The following DOCK1 variants were observed in gnomAD, a reference collection of about 807,000 sequenced individuals.
DOCK1 encodes the protein dedicator of cytokinesis 1, also known as dedicator of cytokinesis protein 1.
DOCK1 carries 138 observed loss-of-function variants against 262.7 expected under a neutral mutation model. The observed-to-expected ratio is 0.53, with a 90% CI of 0.46 to 0.61. The LOEUF is 0.61. Among genes scored for constraint, DOCK1 ranks in the 20% least tolerant of loss-of-function variants. The pLI is 0.00. For missense variants in DOCK1, 1,908 were observed against 2,370.7 expected (o/e 0.80, Z 4.05); for synonymous variants, 866 against 867.4 (o/e 1.00, Z 0.03).
At chr10:127,070,970 A>T (rs1258220161) in intron 23 of DOCK1, among the ~76,000 whole-genome samples, 1 of 152,044 alleles carries the variant, frequency 6.6e-6, no homozygotes, top group Non-Finnish European at 1.5e-5. Context: ...GGCTGGCTTC[A>T]TTCAGGCTGC....
intron 32 of DOCK1, among the ~76,000 whole-genome samples, chr10:127,361,334 TC>T (rs781036183): frequency 1.4e-4 from 22 of 152,130 alleles, no homozygotes; most frequent in African/African-American, 2.2e-4. Flanking sequence ...CAGGATGGTC[TC>T]GATCTCCTGA....
chr10:127,320,827 C>T (rs966282370), intron 29 of DOCK1, among the ~76,000 whole-genome samples: 4 of 152,144 alleles, frequency 2.6e-5, no homozygotes, highest in African/African-American at 4.8e-5. Flanking sequence ...CATCTGTCTA[C>T]GTCCTCTGGA....
intron 27 of DOCK1, among the ~76,000 whole-genome samples, chr10:127,161,363 T>G (rs1159865969): frequency 6.6e-6 from 1 of 152,174 alleles, no homozygotes; most frequent in Non-Finnish European, 1.5e-5. Flanking sequence ...TGGCTTTTGG[T>G]GATGGTTTGT....
At chr10:127,063,463 G>A (rs907901435) in intron 23 of DOCK1, among the ~76,000 whole-genome samples, 3 of 151,852 alleles carry the variant, frequency 2.0e-5, no homozygotes, top group African/African-American at 2.4e-5. Flanking sequence ...TCTTCACTAC[G>A]ATTTCTTGAT....
rs571214685 is a variant in DOCK1, at chr10:127,016,876, C to T, written c.1202-1834C>T. On this transcript the variant is annotated intron_variant, in intron 12 of 51. Transcript: ENST00000623213. ...TACCATAAACACACACACAGATACA[C>T]CACAAACACACAGATGCAGACACCA... 4.5e-5 allele frequency among the ~76,000 whole-genome samples: 5 copies of T among 110,394 alleles called. No individual in the cohort carries two copies. In the East Asian group the frequency reaches 1.4e-3, roughly 31 times the overall value. The allele number at this position is 110,394 out of a possible 152,430, so 72.4% of individuals were successfully genotyped here. A position where few individuals can be genotyped will look rare whatever the true frequency, so the allele number is the denominator to read the frequency against.
chr10:127,186,423 A>G (rs72834700), intron 27 of DOCK1, among the ~76,000 whole-genome samples: 34,240 of 146,166 alleles, frequency 0.23, 4,767 homozygotes, highest in Middle Eastern at 0.4. Flanking sequence ...GCTACTTGGG[A>G]GGCTCTCCTT....
At position 127,403,096 on chromosome 10, in the gene DOCK1, G is replaced by A. The variant is rs759277250; in HGVS notation, c.3969G>A (p.Glu1323=). ...TTGCCTTGGGCAAGGAGCTAGCCGA[G>A]CAGTATGAGAACGAAATGTTTGATT... ...EAIALGKELA[E]QYENEMFDYE... is the part of the protein sequence containing the mutation. Residue 1323 remains glutamate, a synonymous_variant, in exon 39 of 52, where the codon GAG becomes GAA. Coordinates refer to ENST00000623213, the MANE Select transcript of DOCK1 (RefSeq NM_001290223.2). 1.7e-5 allele frequency: 27 copies of A among 1,612,878 alleles called. No homozygotes were observed. Among genetic ancestry groups the A allele is most frequent in the Non-Finnish European group, 2.2e-5 (26 of 1,179,528 alleles).
At chr10:127,133,504 T>A (rs1028751155) in intron 27 of DOCK1, among the ~76,000 whole-genome samples, 2 of 152,222 alleles carry the variant, frequency 1.3e-5, no homozygotes, top group Non-Finnish European at 2.9e-5. Flanking sequence ...CGTGTGTGTG[T>A]GCACCAATGG....
intron 29 of DOCK1, among the ~76,000 whole-genome samples, chr10:127,298,462 T>G (rs1268259069): frequency 6.6e-6 from 1 of 152,210 alleles, no homozygotes; most frequent in African/African-American, 2.4e-5. Flanking sequence ...GAGTTTTCCC[T>G]TCATTTTTAA....
chr10:126,942,621 CG>C lies in DOCK1; in HGVS notation c.47-28080del, dbSNP rs1473523566. ...AGCCCCGAGGGAGCCGAGCCAGCCC[CG>C]AGGGAGCCGTCATCTGGGACCCTGG... On this transcript the variant is annotated intron_variant, in intron 1 of 51. Transcript: ENST00000623213. Among the ~76,000 whole-genome samples, 5 of 152,248 alleles carry C rather than the reference CG, an allele frequency of 3.3e-5. No individual in the cohort carries two copies. The East Asian group carries it at 9.7e-4, about 29-fold the overall frequency.
intron 29 of DOCK1, among the ~76,000 whole-genome samples, chr10:127,312,847 G>A (rs1392354328): frequency 1.4e-5 from 2 of 141,866 alleles, no homozygotes; most frequent in Non-Finnish European, 3.0e-5. Flanking sequence ...CCCTTCCACT[G>A]AACAACTCAC....
intron 1 of DOCK1, among the ~76,000 whole-genome samples, chr10:126,954,293 C>G (rs2036559120): frequency 6.6e-6 from 1 of 152,248 alleles, no homozygotes; most frequent in Non-Finnish European, 1.5e-5. Context: ...AAAGAGAGGC[C>G]TTCTTGGGAA....
At chr10:126,934,131 A>C in intron 1 of DOCK1, among the ~76,000 whole-genome samples, 2 of 151,576 alleles carry the variant, frequency 1.3e-5, no homozygotes, top group Non-Finnish European at 1.5e-5. Context: ...TTACTCTTAA[A>C]ACTCAGATTT....
intron 22 of DOCK1, among the ~76,000 whole-genome samples, chr10:127,059,443 G>C (rs184129079): frequency 6.6e-6 from 1 of 152,126 alleles, no homozygotes; most frequent in African/African-American, 2.4e-5. Flanking sequence ...ATGTATGTTA[G>C]ATCTCCTCAA....
chr10:127,145,880 C>G, intron 27 of DOCK1: 1 of 417,488 alleles, frequency 2.4e-6, no homozygotes, highest in Non-Finnish European at 4.7e-6. Flanking sequence ...CATCTGGTGT[C>G]ACCAGTGACC....
rs866444982 is a variant in DOCK1 at position 127,186,759 on chromosome 10, G to C, written c.2847+58995G>C. On this transcript the variant is annotated intron_variant, in intron 27 of 51. Coordinates refer to ENST00000623213, the MANE Select transcript of DOCK1 (RefSeq NM_001290223.2). ...TCATGCCACACTGCTGTTGTCCATT[G>C]AGATGAACGTGGAGAGGAAGGAGAA... 6.2e-4 allele frequency among the ~76,000 whole-genome samples: 95 copies of C among 152,158 alleles called. 1 individual carries two copies. The highest frequency in any genetic ancestry group is 2.2e-3 in the African/African-American group (93 of 41,522).
At chr10:127,037,581 T>A in intron 18 of DOCK1, 138 bp from the exon 19 acceptor site, 2 of 637,396 alleles carry the variant, frequency 3.1e-6, no homozygotes, top group South Asian at 2.2e-5. Flanking sequence ...ATGGAATATT[T>A]AGCAGGTGAA....
intron 35 of DOCK1, among the ~76,000 whole-genome samples, chr10:127,375,619 A>G (rs552144149): frequency 3.9e-5 from 6 of 152,222 alleles, no homozygotes; most frequent in East Asian, 1.9e-4. Context: ...TTCATCGACT[A>G]TGGTATCAGT....
rs1310444655 is a variant in DOCK1 at position 127,018,695 on chromosome 10, C to A, written c.1202-15C>A. On this transcript the variant is annotated splice_polypyrimidine_tract_variant and intron_variant, in intron 12 of 51. Transcript: ENST00000623213. ...AGGATAAAATGCGACTTAAGAGCAT[C>A]CATTGTTTTTCCAGGTTTGTGGGTA... 2 of 1,613,888 alleles carry A rather than the reference C, an allele frequency of 1.2e-6. No individual in the cohort carries two copies. Among genetic ancestry groups the A allele is most frequent in the Non-Finnish European group, 1.7e-6 (2 of 1,179,902 alleles).
Sources: gnomAD v4.1 joint callset for allele counts (sites outside exome capture counted in the v4.1 genomes callset) on GRCh38, gnomAD v4.1.1 for gene constraint, MANE v1.5 for transcripts, NCBI Gene and HGNC (gene_info 2026-07-23, HGNC 2026-07-21) for gene names.